SRP72: variants seen among roughly 807,000 people sequenced by gnomAD.
The protein encoded by SRP72 is signal recognition particle subunit SRP72.
In SRP72, 49 loss-of-function variants were observed where a neutral mutation model predicts 96.3. The observed-to-expected ratio is 0.51, with a 90% confidence interval of 0.40 to 0.65. SRP72 has a LOEUF of 0.65. Among genes scored for constraint, SRP72 ranks in the 30% least tolerant of loss-of-function variants. The pLI, the probability that SRP72 is intolerant of heterozygous loss-of-function variation, is 0.00. For synonymous variants in SRP72, 267 were observed against 275.2 expected (o/e 0.97, Z 0.30); for missense variants, 736 against 793.3 (o/e 0.93, Z 0.87).
At chr4:56,489,124 A>G (rs964898765) in intron 12 of SRP72, 3 of 325,612 alleles carry the variant, frequency 9.2e-6, no homozygotes, top group Non-Finnish European at 1.1e-5. Context: ...CAACTTCTGT[A>G]CTTACCAAAC....
At chr4:56,476,934 A>G (rs1346483585) in intron 6 of SRP72, 3 of 470,150 alleles carry the variant, frequency 6.4e-6, no homozygotes, top group African/African-American at 2.0e-5. Context: ...ACATTTATAT[A>G]ATGTAAATTT....
At chr4:56,470,392 T>C (rs1002453014) in intron 2 of SRP72, among the ~76,000 whole-genome samples, 1 of 152,082 alleles carries the variant, frequency 6.6e-6, no homozygotes, top group Admixed American at 6.5e-5. Context: ...TACAAAAAAT[T>C]AGCTGGGTAT....
chr4:56,476,530 C>T, intron 5 of SRP72, 141 bp from the exon 6 acceptor site: 1 of 801,712 alleles, frequency 1.2e-6, no homozygotes, highest in Non-Finnish European at 2.0e-6. Context: ...ATATTTGATG[C>T]TAATGTAAAT....
intron 18 of SRP72, 143 bp from the exon 19 acceptor site, chr4:56,501,541 A>G (rs1721262243): frequency 1.5e-6 from 1 of 653,702 alleles, no homozygotes; most frequent in Admixed American, 3.3e-5. Context: ...AAAAGTCGAT[A>G]GGGAGTTGGG....
At chr4:56,486,888 A>G (rs1720729803) in intron 11 of SRP72, among the ~76,000 whole-genome samples, 1 of 152,178 alleles carries the variant, frequency 6.6e-6, no homozygotes, top group Non-Finnish European at 1.5e-5. Context: ...TAAAACTGCC[A>G]ATGTTTTTGT....
At chr4:56,478,672 A>G (rs772822231) in intron 8 of SRP72, 23 bp downstream of exon 8, 18 of 1,605,356 alleles carry the variant, frequency 1.1e-5, no homozygotes, top group Non-Finnish European at 1.5e-5. Context: ...TGTGCTTTCC[A>G]TAGATATATT....
chr4:56,482,577 A>G (rs1720544825), intron 8 of SRP72, among the ~76,000 whole-genome samples: 1 of 152,182 alleles, frequency 6.6e-6, no homozygotes, highest in South Asian at 2.1e-4. Flanking sequence ...TTCTATTGTA[A>G]TATTTGCTTT....
intron 1 of SRP72, among the ~76,000 whole-genome samples, chr4:56,468,876 A>G (rs893460520): frequency 6.6e-6 from 1 of 152,182 alleles, no homozygotes; most frequent in African/African-American, 2.4e-5. Flanking sequence ...ATGTTTTCTT[A>G]ATTGGTAGAA....
At chr4:56,482,204 G>A (rs1245368387) in intron 8 of SRP72, among the ~76,000 whole-genome samples, 2 of 151,570 alleles carry the variant, frequency 1.3e-5, no homozygotes, top group African/African-American at 2.4e-5. Flanking sequence ...GACTTTGGGA[G>A]GCCTAGGTGG....
At chr4:56,486,520 T>G (rs1720715637) in intron 11 of SRP72, 123 bp downstream of exon 11, 2 of 702,658 alleles carry the variant, frequency 2.8e-6, no homozygotes, top group African/African-American at 3.6e-5. Context: ...AATTACTGTT[T>G]CAAACATGCA....
Position 56,495,747 on chromosome 4 carries a change from T to TA in SRP72, c.1678+354dup, listed in dbSNP as rs546605894. 5.5e-3 allele frequency among the ~76,000 whole-genome samples: 837 copies of TA among 152,330 alleles called. 6 individuals are homozygous for TA. Among genetic ancestry groups the TA allele is most frequent in the Non-Finnish European group, 9.3e-3 (634 of 68,030 alleles). On this transcript the variant is annotated intron_variant, in intron 17 of 18. Coordinates refer to ENST00000642900, the MANE Select transcript of SRP72 (RefSeq NM_006947.4). ...GGTGCCTGGCACAAAAGTAAGCACTTACACATTTTGATGTTTCTGCTACAC... is the reference window on the plus strand; with the variant it reads ...GGTGCCTGGCACAAAAGTAAGCACTTAACACATTTTGATGTTTCTGCTACAC...
chr4:56,499,193 T>C lies in SRP72; in HGVS notation c.1679-1343T>C, dbSNP rs943144847. 2.6e-5 allele frequency among the ~76,000 whole-genome samples: 4 copies of C among 152,228 alleles called. No homozygotes were observed. In the East Asian group the frequency reaches 7.7e-4, roughly 29 times the overall value. ...TTCTAGCCATATGCAGAAAACAAAC[T>C]GGACCCCTTCCTTACACCTTATACA... On this transcript the variant is annotated intron_variant, in intron 17 of 18. Transcript: ENST00000642900.
At chr4:56,471,658 A>G (rs1255383802) in intron 2 of SRP72, 62 bp from the exon 3 acceptor site, 3 of 1,581,738 alleles carry the variant, frequency 1.9e-6, no homozygotes, top group Non-Finnish European at 2.6e-6. Context: ...GTGGTGTTGT[A>G]TATAATGGGT....
chr4:56,474,024 CT>C, intron 3 of SRP72, 29 bp from the exon 4 acceptor site: 1 of 1,595,532 alleles, frequency 6.3e-7, no homozygotes, highest in Non-Finnish European at 8.5e-7. Flanking sequence ...ATATTTGTCT[CT>C]GATTTTTTAC....
rs745386409 is a variant in SRP72 at position 56,490,407 on chromosome 4, G to C, written c.1395G>C (p.Glu465Asp). The C allele has an allele frequency of 6.2e-7, 1 of 1,614,010 alleles. No individual in the cohort carries two copies. Among genetic ancestry groups the C allele is most frequent in the Non-Finnish European group, 8.5e-7 (1 of 1,179,978 alleles). ...AACTCAAATATGGGCGGAAGAAGGA[G>C]GCAATTAGTGACCTACAACAGCTGT... ...NFKLKYGRKK[E>D]AISDLQQLWK... is the part of the protein sequence containing the mutation. Residue 465 changes from glutamate (E) to aspartate (D), a missense_variant, in exon 14 of 19, where the codon GAG (glutamate) becomes GAC (aspartate). Glu to Asp is a conservative substitution (Grantham distance 45, BLOSUM62 2). Transcript: ENST00000642900.
chr4:56,471,298 C>T (rs957666498), intron 2 of SRP72, among the ~76,000 whole-genome samples: 1 of 152,140 alleles, frequency 6.6e-6, no homozygotes, highest in African/African-American at 2.4e-5. Context: ...TTTCTAGTTA[C>T]TGTTTCTTTG....
intron 17 of SRP72, among the ~76,000 whole-genome samples, chr4:56,496,745 T>G (rs1405554936): frequency 6.6e-6 from 1 of 152,144 alleles, no homozygotes; most frequent in African/African-American, 2.4e-5. Flanking sequence ...CCCAGCACTT[T>G]GGGAGGCCAA....
At chr4:56,498,979 C>T (rs1458027223) in intron 17 of SRP72, among the ~76,000 whole-genome samples, 15 of 152,276 alleles carry the variant, frequency 9.9e-5, no homozygotes, top group Non-Finnish European at 1.2e-4. Flanking sequence ...AAGCAGAGAA[C>T]AAAGCTGGAC....
intron 16 of SRP72, chr4:56,491,828 T>C: frequency 3.4e-6 from 1 of 297,318 alleles, no homozygotes; most frequent in Non-Finnish European, 6.1e-6. Flanking sequence ...ACAAATATTT[T>C]CTTTAAATTG....
Sources: allele counts gnomAD v4.1 joint callset (sites outside exome capture counted in the v4.1 genomes callset), GRCh38; gene constraint gnomAD v4.1.1; transcripts MANE v1.5; gene names NCBI Gene and HGNC (gene_info 2026-07-23, HGNC 2026-07-21).